The following TBC1D5 variants were observed in gnomAD, a reference collection of about 807,000 sequenced individuals.
TBC1D5 encodes the protein TBC1 domain family member 5.
TBC1D5 carries 75 observed loss-of-function variants against 100.3 expected under a neutral mutation model. The observed-to-expected ratio is 0.75, with a 90% CI of 0.62 to 0.91. The LOEUF is 0.91. Ranked by LOEUF, TBC1D5 falls within the 40% of genes least tolerant of loss-of-function variation. The probability of loss-of-function intolerance (pLI) is 0.00; values close to 1 mark genes in which losing one functional copy is unlikely to be tolerated. For synonymous variants in TBC1D5, 323 were observed against 325.6 expected, an observed-to-expected ratio of 0.99 and a Z score of 0.09; for missense variants, 910 against 942.4, an observed-to-expected ratio of 0.97 and a Z score of 0.45.
At chr3:17,656,956 G>C (rs1310739255) in intron 1 of TBC1D5, among the ~76,000 whole-genome samples, 1 of 152,106 alleles carries the variant, frequency 6.6e-6, no homozygotes, top group Non-Finnish European at 1.5e-5. Context: ...GGTGTCATGG[G>C]AAAGTCATTA....
rs550946056 is a variant in TBC1D5 at position 17,407,368 on chromosome 3, A to G, written c.168-842T>C. ...CAAACTAAACATTAAGAATCACTTG[A>G]GTAGAGGCTACTGAGATTAGCTTTA... On this transcript the variant is annotated intron_variant, in intron 4 of 21. Coordinates refer to ENST00000253692, the Ensembl canonical transcript of TBC1D5. Among the ~76,000 whole-genome samples the G allele has an allele frequency of 3.3e-5, 5 of 152,288 alleles. No individual in the cohort carries two copies. In the East Asian group the frequency reaches 7.7e-4, roughly 23 times the overall value.
At chr3:17,631,123 T>C (rs2063476864) in intron 1 of TBC1D5, among the ~76,000 whole-genome samples, 1 of 147,396 alleles carries the variant, frequency 6.8e-6, no homozygotes, top group Non-Finnish European at 1.5e-5. Context: ...CTAAAGAAAA[T>C]TAAAAGTGCT....
At chr3:17,739,329 A>G (rs1475342620) in intron 1 of TBC1D5, 2 of 152,228 alleles carry the variant, frequency 1.3e-5, no homozygotes, top group Non-Finnish European at 2.9e-5. Flanking sequence ...TGAAACATAA[A>G]TTATTCAACT....
intron 18 of TBC1D5, among the ~76,000 whole-genome samples, chr3:17,196,479 T>C (rs927366799): frequency 2.0e-5 from 3 of 152,116 alleles, no homozygotes; most frequent in African/African-American, 7.2e-5. Context: ...CCTGAGGGGC[T>C]GGGGAGGAGT....
At position 17,701,842 on chromosome 3, in the gene TBC1D5, A is replaced by G. The variant is rs566342828; in HGVS notation, c.-101+37501T>C. 1.2e-3 allele frequency among the ~76,000 whole-genome samples: 188 copies of G among 151,762 alleles called. 1 individual carries two copies. Among genetic ancestry groups the G allele is most frequent in the Non-Finnish European group, 1.5e-3 (103 of 67,918 alleles). On this transcript the variant is annotated intron_variant, in intron 1 of 21. Transcript: ENST00000253692. The stretch of plus-strand genomic sequence containing the variant: ...CTAGAACACAATCCCTGACCAGACT[A>G]GCTTTTTCTTTTTTTTTTTTCCTAA...
At chr3:17,579,542 G>T (rs1041070376) in intron 2 of TBC1D5, among the ~76,000 whole-genome samples, 2 of 152,064 alleles carry the variant, frequency 1.3e-5, no homozygotes, top group African/African-American at 4.8e-5. Flanking sequence ...AAGAGGAAGA[G>T]AAGGTGAAAC....
chr3:17,535,090 T>C (rs2096269620), intron 2 of TBC1D5, among the ~76,000 whole-genome samples: 1 of 152,220 alleles, frequency 6.6e-6, no homozygotes, highest in Non-Finnish European at 1.5e-5. Flanking sequence ...CTTTCTTCAG[T>C]GAAATTATTA....
intron 3 of TBC1D5, among the ~76,000 whole-genome samples, chr3:17,451,290 G>A (rs1345108003): frequency 6.6e-6 from 1 of 152,152 alleles, no homozygotes; most frequent in Non-Finnish European, 1.5e-5. Flanking sequence ...AAAATGTAAA[G>A]ACCATCAACA....
In TBC1D5 at chr3:17,530,852, C is replaced by T. The variant is rs1327826109; in HGVS notation, c.-35-22247G>A. ...CGTATCTCAAAATAATAAGAGCTAT[C>T]TATGACAAACCCACAGCCAATATCA... On this transcript the variant is annotated intron_variant, in intron 2 of 21. Transcript: ENST00000253692. Among the ~76,000 whole-genome samples, 4 of 152,122 alleles carry T rather than the reference C, an allele frequency of 2.6e-5. No homozygotes were observed. In the East Asian group the frequency reaches 7.7e-4, roughly 29 times the overall value.
At chr3:17,697,100 T>C (rs555264821) in intron 1 of TBC1D5, among the ~76,000 whole-genome samples, 5 of 152,184 alleles carry the variant, frequency 3.3e-5, no homozygotes, top group African/African-American at 9.7e-5. Flanking sequence ...TGATGGAACA[T>C]ATCACAAAAT....
intron 8 of TBC1D5, among the ~76,000 whole-genome samples, chr3:17,399,976 C>A (rs780294253): frequency 5.3e-4 from 81 of 152,172 alleles, no homozygotes; most frequent in Non-Finnish European, 1.1e-3. Context: ...AGTAGCCATC[C>A]CACTGGCTAC....
chr3:17,360,723 G>C (rs995149846), intron 13 of TBC1D5, among the ~76,000 whole-genome samples: 2 of 151,832 alleles, frequency 1.3e-5, no homozygotes, highest in Admixed American at 6.6e-5. Context: ...TAAAGTCTTA[G>C]TTGCAGAGTT....
chr3:17,544,370 C>T (rs1031252002), intron 2 of TBC1D5, among the ~76,000 whole-genome samples: 5 of 152,126 alleles, frequency 3.3e-5, no homozygotes, highest in African/African-American at 1.2e-4. Context: ...CTTAAGAACT[C>T]GGCCGGGCGC....
At chr3:17,564,396 G>A (rs2096580813) in intron 2 of TBC1D5, among the ~76,000 whole-genome samples, 1 of 152,068 alleles carries the variant, frequency 6.6e-6, no homozygotes, top group South Asian at 2.1e-4. Flanking sequence ...ATCATTGGCT[G>A]AAAACATTGG....
chr3:17,447,135 C>A (rs971471388), intron 3 of TBC1D5, among the ~76,000 whole-genome samples: 1 of 152,064 alleles, frequency 6.6e-6, no homozygotes, highest in Admixed American at 6.6e-5. Context: ...TACAGAAAGA[C>A]CATTAGGATC....
intron 1 of TBC1D5, among the ~76,000 whole-genome samples, chr3:17,643,652 A>C (rs925286588): frequency 3.3e-5 from 5 of 152,140 alleles, no homozygotes; most frequent in African/African-American, 7.2e-5. Context: ...AAATGCAAAA[A>C]GCCAACAATA....
intron 1 of TBC1D5, among the ~76,000 whole-genome samples, chr3:17,697,532 A>G (rs9816920): frequency 6.6e-6 from 1 of 151,926 alleles, no homozygotes; most frequent in Admixed American, 6.6e-5. Context: ...AAAATGCCTA[A>G]GAATCCAACT....
At chr3:17,736,086 C>T (rs1214919035) in intron 1 of TBC1D5, among the ~76,000 whole-genome samples, 1 of 152,124 alleles carries the variant, frequency 6.6e-6, no homozygotes, top group Non-Finnish European at 1.5e-5. Flanking sequence ...CTCTTTACTA[C>T]CTGATTGGTT....
At chr3:17,384,424 A>G (rs1261604229) in intron 8 of TBC1D5, among the ~76,000 whole-genome samples, 1 of 152,120 alleles carries the variant, frequency 6.6e-6, no homozygotes, top group East Asian at 1.9e-4. Flanking sequence ...TTGATGTAAA[A>G]TAGCGACACT....
Sources: allele counts gnomAD v4.1 joint callset (sites outside exome capture counted in the v4.1 genomes callset), GRCh38; gene constraint gnomAD v4.1.1; transcripts MANE v1.5; gene names NCBI Gene and HGNC (gene_info 2026-07-23, HGNC 2026-07-21).